Variants in SLC7A6 observed in about 807,000 individuals in gnomAD.
SLC7A6 encodes solute carrier family 7 member 6.
In SLC7A6, 29 loss-of-function variants were observed where a neutral mutation model predicts 46.6. The ratio of observed to expected loss-of-function variants is 0.62; its 90% CI spans 0.46 to 0.85. SLC7A6 has a LOEUF of 0.85. Among genes scored for constraint, SLC7A6 ranks in the 40% least tolerant of loss-of-function variants. SLC7A6 has a pLI of 0.00. For synonymous variants in SLC7A6, 276 were observed against 257.3 expected (o/e 1.07, Z -0.70); for missense variants, 527 against 647.6 (o/e 0.81, Z 2.02).
At chr16:68,283,591 AG>A (rs765219182) in intron 3 of SLC7A6, among the ~76,000 whole-genome samples, 2 of 152,022 alleles carry the variant, frequency 1.3e-5, no homozygotes, top group South Asian at 2.1e-4. Context: ...GAAAAAGGGA[AG>A]AACAGATAGA....
intron 2 of SLC7A6, among the ~76,000 whole-genome samples, chr16:68,270,325 C>T (rs1319735209): frequency 6.6e-6 from 1 of 152,020 alleles, no homozygotes; most frequent in Admixed American, 6.6e-5. Flanking sequence ...CCTACCCCTC[C>T]TCCAGGCATA....
chr16:68,265,092 G>T (rs755128063), intron 1 of SLC7A6, among the ~76,000 whole-genome samples: 1 of 152,186 alleles, frequency 6.6e-6, no homozygotes, highest in Non-Finnish European at 1.5e-5. Flanking sequence ...AGGACCTCAG[G>T]AGCCAGGCTT....
intron 3 of SLC7A6, among the ~76,000 whole-genome samples, chr16:68,278,377 A>G (rs1354746062): frequency 6.6e-6 from 1 of 151,376 alleles, no homozygotes; most frequent in Non-Finnish European, 1.5e-5. Context: ...GTCATAGGAC[A>G]ATAGTGGAGG....
intron 2 of SLC7A6, among the ~76,000 whole-genome samples, chr16:68,274,403 G>C (rs370968323): frequency 1.3e-5 from 2 of 152,200 alleles, no homozygotes; most frequent in South Asian, 4.1e-4. Context: ...GAATCCAATC[G>C]TTGGACAAAT....
intron 4 of SLC7A6, among the ~76,000 whole-genome samples, chr16:68,289,291 C>T (rs2043000812): frequency 6.6e-6 from 1 of 151,808 alleles, no homozygotes; most frequent in South Asian, 2.1e-4. Flanking sequence ...GAAACTCTGT[C>T]TCAAAAAACA....
intron 2 of SLC7A6, among the ~76,000 whole-genome samples, chr16:68,272,635 G>A (rs1296101199): frequency 6.6e-6 from 1 of 152,176 alleles, no homozygotes; most frequent in Admixed American, 6.5e-5. Context: ...TAAGGCCACT[G>A]GGTAGTTTCG....
intron 3 of SLC7A6, among the ~76,000 whole-genome samples, chr16:68,283,741 CA>C (rs2042873233): frequency 6.6e-6 from 1 of 152,214 alleles, no homozygotes; most frequent in Non-Finnish European, 1.5e-5. Flanking sequence ...ACGTGGGTCC[CA>C]CGCTCCTTGG....
intron 3 of SLC7A6, 183 bp from the exon 4 acceptor site, chr16:68,287,563 G>T: frequency 6.9e-7 from 1 of 1,458,912 alleles, no homozygotes; most frequent in Non-Finnish European, 9.1e-7. Context: ...GGAAGTGCCT[G>T]TGTGCTGTCA....
intron 2 of SLC7A6, among the ~76,000 whole-genome samples, chr16:68,268,832 A>G (rs28659778): frequency 0.045 from 6,899 of 152,010 alleles, 499 homozygotes; most frequent in African/African-American, 0.15. Flanking sequence ...ATATGGTGAA[A>G]CCCCGTCTCT....
At chr16:68,286,674 C>G (rs962608469) in intron 3 of SLC7A6, among the ~76,000 whole-genome samples, 1 of 152,174 alleles carries the variant, frequency 6.6e-6, no homozygotes, top group Admixed American at 6.5e-5. Context: ...AGCAAAGTGC[C>G]GGGGCTCTCA....
chr16:68,283,499 CG>C (rs1161422404), intron 3 of SLC7A6, among the ~76,000 whole-genome samples: 1 of 152,194 alleles, frequency 6.6e-6, no homozygotes, highest in Non-Finnish European at 1.5e-5. Context: ...GTTGCACAGC[CG>C]TACCTACCTG....
chr16:68,267,738 T>C (rs1210932909), intron 2 of SLC7A6, among the ~76,000 whole-genome samples: 3 of 152,296 alleles, frequency 2.0e-5, no homozygotes, highest in Admixed American at 2.0e-4. Flanking sequence ...TGGCAGCCCC[T>C]AGAAAGCTTC....
chr16:68,274,637 A>C, intron 2 of SLC7A6, 54 bp from the exon 3 acceptor site: 2 of 1,490,878 alleles, frequency 1.3e-6, no homozygotes, highest in Non-Finnish European at 1.8e-6. Context: ...ATCTGGTCTA[A>C]ATAGAGCCTC....
Position 68,301,377 on chromosome 16 carries a change from C to T in SLC7A6, c.*4049C>T, listed in dbSNP as rs1372344314. On this transcript the variant is annotated 3_prime_UTR_variant, in exon 11 of 11. Coordinates refer to ENST00000219343, the MANE Select transcript of SLC7A6 (RefSeq NM_003983.6). ...GCTGTCTGCTGCTGCCTCTTTCCTCCTCACTCAGGCTGTTGTAGTCAGCAG... is the reference window on the plus strand; with the variant it reads ...GCTGTCTGCTGCTGCCTCTTTCCTCTTCACTCAGGCTGTTGTAGTCAGCAG... 1 of 1,614,138 alleles carries T rather than the reference C, an allele frequency of 6.2e-7. No individual in the cohort carries two copies. Among genetic ancestry groups the T allele is most frequent in the Non-Finnish European group, 8.5e-7 (1 of 1,180,000 alleles).
intron 7 of SLC7A6, 52 bp from the exon 8 acceptor site, chr16:68,294,653 G>A (rs1019940398): frequency 7.7e-7 from 1 of 1,304,520 alleles, no homozygotes; most frequent in Non-Finnish European, 1.1e-6. Flanking sequence ...GAGTGAGTAT[G>A]GCTGAGTAAA....
Position 68,301,253 on chromosome 16 carries a change from C to T in SLC7A6, c.*3925C>T. 6.2e-7 allele frequency: 1 copy of T among 1,611,866 alleles called. No individual in the cohort carries two copies. Among genetic ancestry groups the T allele is most frequent in the African/African-American group, 1.3e-5 (1 of 74,950 alleles). On this transcript the variant is annotated 3_prime_UTR_variant, in exon 11 of 11. Coordinates refer to ENST00000219343, the MANE Select transcript of SLC7A6 (RefSeq NM_003983.6). ...GAGCCCTCAAGGGCATGTGGCAGAACCTCATGGACATCACAAGACCATCAG... is the reference window on the plus strand; with the variant it reads ...GAGCCCTCAAGGGCATGTGGCAGAATCTCATGGACATCACAAGACCATCAG...
chr16:68,293,843 G>A (rs1252997823), intron 7 of SLC7A6, among the ~76,000 whole-genome samples: 4 of 152,180 alleles, frequency 2.6e-5, no homozygotes, highest in Non-Finnish European at 4.4e-5. Flanking sequence ...AGTGAGTGTC[G>A]TGTACTCCAA....
chr16:68,267,019 C>G (rs999653708), intron 2 of SLC7A6, among the ~76,000 whole-genome samples: 3 of 151,962 alleles, frequency 2.0e-5, no homozygotes, highest in Non-Finnish European at 4.4e-5. Flanking sequence ...ACTGCAACCT[C>G]TGCCTCCTGG....
Position 68,288,354 on chromosome 16 carries a change from C to A in SLC7A6, c.649+483C>A, listed in dbSNP as rs183219682. On this transcript the variant is annotated intron_variant, in intron 4 of 10. Coordinates refer to ENST00000219343, the MANE Select transcript of SLC7A6 (RefSeq NM_003983.6). ...GGACTTGTATTCAGCAATCCCTCCC[C>A]AAGTCAGCTCTCAGAAAAATATTAA... Among the ~76,000 whole-genome samples, 9 of 152,284 alleles carry A rather than the reference C, an allele frequency of 5.9e-5. No homozygotes were observed. In the East Asian group the frequency reaches 1.5e-3, roughly 26 times the overall value.
Sources: allele counts gnomAD v4.1 joint callset (sites outside exome capture counted in the v4.1 genomes callset), GRCh38; gene constraint gnomAD v4.1.1; transcripts MANE v1.5; gene names NCBI Gene and HGNC (gene_info 2026-07-23, HGNC 2026-07-21).